The following SYNE1 variants were observed in gnomAD, a reference collection of about 807,000 sequenced individuals.
SYNE1 encodes the protein spectrin repeat containing nuclear envelope protein 1, also known as nesprin-1.
SYNE1 carries 616 observed loss-of-function variants against 1,111.0 expected under a neutral mutation model. That is an observed-to-expected ratio of 0.55 (90% CI 0.52 to 0.59). The LOEUF (loss-of-function observed/expected upper bound fraction) is 0.59, where lower values mean the gene tolerates loss of function less well. Among genes scored for constraint, SYNE1 ranks in the 20% least tolerant of loss-of-function variants. SYNE1 has a pLI of 0.00. For missense variants in SYNE1, 10,006 were observed against 10,417.0 expected (o/e 0.96, Z 1.72); for synonymous variants, 3,855 against 3,825.8 (o/e 1.01, Z -0.28).
chr6:152,571,051 T>G (rs2099452402), intron 3 of SYNE1, among the ~76,000 whole-genome samples: 1 of 152,150 alleles, frequency 6.6e-6, no homozygotes, highest in Admixed American at 6.5e-5. Flanking sequence ...TAATTTGATG[T>G]TTACTCTGGT....
chr6:152,593,399 A>G (rs1027038709), intron 3 of SYNE1, among the ~76,000 whole-genome samples: 2 of 152,164 alleles, frequency 1.3e-5, no homozygotes, highest in Non-Finnish European at 2.9e-5. Context: ...CCTGGCTAAC[A>G]TGGTGAAACC....
At chr6:152,520,775 A>G (rs764909601) in intron 5 of SYNE1, among the ~76,000 whole-genome samples, 2 of 152,148 alleles carry the variant, frequency 1.3e-5, no homozygotes, top group Non-Finnish European at 2.9e-5. Flanking sequence ...CTGTTAATGC[A>G]TTTGCCTTTT....
Position 152,136,622 on chromosome 6 carries a change from C to T in SYNE1, c.25655G>A (p.Cys8552Tyr), listed in dbSNP as rs771789736. Residue 8552 changes from cysteine (C) to tyrosine (Y), a missense_variant, in exon 141 of 146, where the codon TGC becomes TAC. This residue lies in a region of SYNE1 where 761 missense variants were observed against 795.5 expected (regional missense o/e 0.96). Coordinates refer to ENST00000367255, the MANE Select transcript of SYNE1 (RefSeq NM_182961.4). ...RGLLQDALMQCQGFHEMSHGL... is the reference protein window; with the variant it reads ...RGLLQDALMQYQGFHEMSHGL... ...CCTGCCCAAAGCTCTACAGACCTGG[C>T]ACTGCATCAGGGCATCCTGCAGCAG... 1.2e-6 allele frequency: 2 copies of T among 1,613,416 alleles called. No homozygotes were observed. Among genetic ancestry groups the T allele is most frequent in the South Asian group, 1.1e-5 (1 of 91,060 alleles).
chr6:152,289,947 A>T, intron 95 of SYNE1, among the ~76,000 whole-genome samples: 1 of 131,516 alleles, frequency 7.6e-6, no homozygotes, highest in African/African-American at 2.8e-5. Context: ...TTTTTTTTTA[A>T]GCCTACAGTA....
Position 152,283,568 on chromosome 6 carries a change from G to A in SYNE1, c.18207+410C>T, listed in dbSNP as rs1381086385. 3.3e-5 allele frequency among the ~76,000 whole-genome samples: 5 copies of A among 152,158 alleles called. No individual in the cohort carries two copies. In the East Asian group the frequency reaches 5.8e-4, roughly 18 times the overall value. On this transcript the variant is annotated intron_variant, in intron 96 of 145. Transcript: ENST00000367255. Reference sequence around the variant, plus strand: ...GTTTGCTTTTTTGAGACAGAGTCTCGCTCTGTTGCCCAGGCTGGAGTGCAG... The same window carrying A: ...GTTTGCTTTTTTGAGACAGAGTCTCACTCTGTTGCCCAGGCTGGAGTGCAG...
At position 152,160,834 on chromosome 6, in the gene SYNE1, T is replaced by C. The variant is rs73780378; in HGVS notation, c.23790+3329A>G. On this transcript the variant is annotated intron_variant, in intron 131 of 145. Coordinates refer to ENST00000367255, the MANE Select transcript of SYNE1 (RefSeq NM_182961.4). Reference sequence around the variant, plus strand: ...GAAACCTTTAGGATCTCCTTATCCCTTGTGTTTTGCAGTTTTACAGTGTGG... The same window carrying C: ...GAAACCTTTAGGATCTCCTTATCCCCTGTGTTTTGCAGTTTTACAGTGTGG... Among the ~76,000 whole-genome samples the C allele has an allele frequency of 6.6e-3, 1,007 of 152,266 alleles. 8 individuals carry two copies. Among genetic ancestry groups the C allele is most frequent in the African/African-American group, 0.024 (977 of 41,536 alleles).
At position 152,325,087 on chromosome 6, in the gene SYNE1, G is replaced by A; in HGVS notation, c.15654C>T (p.Asn5218=). The A allele has an allele frequency of 6.2e-7, 1 of 1,613,898 alleles. No homozygotes were observed. The highest frequency in any genetic ancestry group is 8.5e-7 in the Non-Finnish European group (1 of 1,180,012). ...DAVDEWTGFN[N]KVKKATEMID... Reference sequence around the variant, plus strand: ...GCCCATGGACAGTGGAAACTACCTTGTTGTTAAAGCCCGTCCACTCATCCA... The same window carrying A: ...GCCCATGGACAGTGGAAACTACCTTATTGTTAAAGCCCGTCCACTCATCCA... The change falls in exon 81 of 146, where the codon AAC becomes AAT. Residue 5218 remains asparagine, a synonymous_variant. Transcript: ENST00000367255.
Position 152,595,225 on chromosome 6 carries a change from A to G in SYNE1, c.67+33040T>C, listed in dbSNP as rs189379190. 1.2e-4 allele frequency among the ~76,000 whole-genome samples: 19 copies of G among 152,322 alleles called. No individual in the cohort carries two copies. In the East Asian group the frequency reaches 1.9e-3, roughly 15 times the overall value. On this transcript the variant is annotated intron_variant, in intron 3 of 145. Coordinates refer to ENST00000367255, the MANE Select transcript of SYNE1 (RefSeq NM_182961.4). ...AATGTCATCTTTATGCTCCCAAATC[A>G]TAAACACATATCCTCACCCTTGAAC... is the stretch of plus-strand genomic sequence containing the variant.
At position 152,458,854 on chromosome 6, in the gene SYNE1, A is replaced by C; in HGVS notation, c.2471T>G (p.Met824Arg). The C allele has an allele frequency of 6.2e-7, 1 of 1,614,142 alleles. No individual in the cohort carries two copies. Among genetic ancestry groups the C allele is most frequent in the Non-Finnish European group, 8.5e-7 (1 of 1,179,994 alleles). ...CCCAAGTGAGTCATAAAAGGACGTC[A>C]TCTGCTTTTCTAATTCCTCCAACGG... ...LIPLEELEKQ[M>R]TSFYDSLGKI... Residue 824 changes from methionine to arginine, a missense_variant, in exon 22 of 146, where the codon ATG becomes AGG. Physicochemically the swap from Met to Arg is moderately conservative, Grantham distance 91 (BLOSUM62 -1). Around this residue, in one of 7 missense-constraint regions of SYNE1, gnomAD observed 1,971 missense variants for 2,084.1 expected, o/e 0.95. Coordinates refer to ENST00000367255, the MANE Select transcript of SYNE1 (RefSeq NM_182961.4).
chr6:152,473,459 G>A (rs1432232710), intron 14 of SYNE1, among the ~76,000 whole-genome samples: 2 of 152,102 alleles, frequency 1.3e-5, no homozygotes, highest in African/African-American at 4.8e-5. Context: ...GTATATGCTT[G>A]CCCACATATG....
chr6:152,531,373 G>C lies in SYNE1; in HGVS notation c.130-5198C>G, dbSNP rs185769278. On this transcript the variant is annotated intron_variant, in intron 4 of 145. Coordinates refer to ENST00000367255, the MANE Select transcript of SYNE1 (RefSeq NM_182961.4). ...AAAAGGTGTTACATTGGTGGGTAGA[G>C]GACATGAACAGAAATGTGTTCTAGT... 2.7e-3 allele frequency among the ~76,000 whole-genome samples: 409 copies of C among 152,298 alleles called. 2 individuals carry two copies. The highest frequency in any genetic ancestry group is 4.4e-3 in the Non-Finnish European group (301 of 68,030).
intron 51 of SYNE1, 21 bp from the exon 52 acceptor site, chr6:152,391,589 A>G (rs2097635473): frequency 6.4e-7 from 1 of 1,558,124 alleles, no homozygotes; most frequent in Non-Finnish European, 8.6e-7. Context: ...GGAAAAAAAA[A>G]AAAAAGAAAA....
intron 10 of SYNE1, among the ~76,000 whole-genome samples, chr6:152,499,216 C>T (rs1176383122): frequency 6.6e-6 from 1 of 151,788 alleles, no homozygotes; most frequent in African/African-American, 2.4e-5. Context: ...ATGTTTGTTG[C>T]AATGGAAGAA....
intron 109 of SYNE1, 141 bp from the exon 110 acceptor site, chr6:152,236,444 T>C: frequency 1.5e-6 from 1 of 689,572 alleles, no homozygotes; most frequent in Non-Finnish European, 2.5e-6. Context: ...CATTGAAAAC[T>C]TTAAGATGTT....
At chr6:152,365,105 G>T in intron 62 of SYNE1, 86 bp from the exon 63 acceptor site, 1 of 1,542,494 alleles carries the variant, frequency 6.5e-7, no homozygotes, top group Non-Finnish European at 8.9e-7. Context: ...AAAGATCACA[G>T]AATAATATGC....
chr6:152,404,768 A>C (rs2097870071), intron 45 of SYNE1: 1 of 154,820 alleles, frequency 6.5e-6, no homozygotes, highest in African/African-American at 2.4e-5. Flanking sequence ...AATCGTTTCA[A>C]ATAAAAATTT....
Position 152,628,044 on chromosome 6 carries a change from CAAA to C in SYNE1, c.67+218_67+220del, listed in dbSNP as rs66815986. Reference sequence around the variant, plus strand: ...ACATGCTAATGCAGACACAAAATTACAAAAAAAAAAAAAAAAGCTGTATTTTTA... The same window carrying C: ...ACATGCTAATGCAGACACAAAATTACAAAAAAAAAAAAAGCTGTATTTTTA... On this transcript the variant is annotated intron_variant, in intron 3 of 145. Coordinates refer to ENST00000367255, the MANE Select transcript of SYNE1 (RefSeq NM_182961.4). Among the ~76,000 whole-genome samples, 288 of 103,380 alleles carry C rather than the reference CAAA, an allele frequency of 2.8e-3. 7 individuals carry two copies. The highest frequency in any genetic ancestry group is 0.01 in the African/African-American group (276 of 26,386). 67.8% of individuals were successfully genotyped at this position (103,380 alleles called of 152,430 possible). A position where few individuals can be genotyped will look rare whatever the true frequency, so the allele number is the denominator to read the frequency against.
At chr6:152,282,107 C>T in intron 96 of SYNE1, 127 bp from the exon 97 acceptor site, 1 of 1,008,906 alleles carries the variant, frequency 9.9e-7, no homozygotes. Flanking sequence ...TTAAAAATTT[C>T]CTTTGCTTAG....
intron 145 of SYNE1, among the ~76,000 whole-genome samples, chr6:152,130,323 G>A (rs979676811): frequency 7.2e-5 from 11 of 152,214 alleles, no homozygotes; most frequent in East Asian, 1.9e-4. Flanking sequence ...TCAGATATGC[G>A]GGTTTTGTGA....
Sources: gnomAD v4.1 joint callset for allele counts (sites outside exome capture counted in the v4.1 genomes callset) on GRCh38, gnomAD v4.1.1 for gene constraint, gnomAD v4.1.1 regional missense constraint, MANE v1.5 for transcripts, NCBI Gene and HGNC (gene_info 2026-07-23, HGNC 2026-07-21) for gene names.